SEMA3D: variants seen among roughly 807,000 people sequenced by gnomAD.
SEMA3D encodes semaphorin-3D.
A neutral mutation model predicts 100.1 loss-of-function variants in SEMA3D; 84 were observed. The observed-to-expected ratio is 0.84, with a 90% CI of 0.70 to 1.01. The LOEUF (loss-of-function observed/expected upper bound fraction) is 1.01. SEMA3D is among the 50% of genes least tolerant of loss of function. SEMA3D has a pLI of 0.00. For synonymous variants in SEMA3D, 312 were observed against 320.7 expected (o/e 0.97, Z 0.29); for missense variants, 875 against 934.1 (o/e 0.94, Z 0.82).
At chr7:85,081,331 T>C (rs554765457) in intron 5 of SEMA3D, among the ~76,000 whole-genome samples, 186 bp downstream of exon 5, 2 of 152,342 alleles carry the variant, frequency 1.3e-5, no homozygotes, top group South Asian at 4.1e-4. Context: ...TTAAATTTTA[T>C]AAATAATATC....
At chr7:85,055,604 C>T (rs1791284378) in intron 9 of SEMA3D, 113 bp downstream of exon 9, 1 of 194,768 alleles carries the variant, frequency 5.1e-6, no homozygotes, top group African/African-American at 2.6e-5. Context: ...GAATAATGAG[C>T]ATTAACTTTG....
chr7:85,223,430 C>T, the SEMA3D span, among the ~76,000 whole-genome samples: 1 of 151,532 alleles, frequency 6.6e-6, no homozygotes, highest in African/African-American at 2.4e-5. Flanking sequence ...CTTGTACAGG[C>T]ATGTTTATAC....
chr7:85,075,414 T>C (rs556109605), intron 5 of SEMA3D, among the ~76,000 whole-genome samples: 1 of 147,926 alleles, frequency 6.8e-6, no homozygotes, highest in East Asian at 2.0e-4. Context: ...GATATAATTT[T>C]GGTGATTATT....
At chr7:85,142,077 T>C (rs1790066992) in intron 2 of SEMA3D, 1 of 983,926 alleles carries the variant, frequency 1.0e-6, no homozygotes, top group Admixed American at 6.2e-5. Context: ...CTGTGAACTA[T>C]ACAGAAGTTG....
the SEMA3D span, among the ~76,000 whole-genome samples, chr7:85,201,095 C>A: frequency 6.6e-6 from 1 of 152,182 alleles, no homozygotes; most frequent in African/African-American, 2.4e-5. Flanking sequence ...TTTTGATATA[C>A]CAAAAGACAG....
At chr7:85,046,662 A>G (rs544205079) in intron 9 of SEMA3D, among the ~76,000 whole-genome samples, 1 of 152,064 alleles carries the variant, frequency 6.6e-6, no homozygotes, top group Non-Finnish European at 1.5e-5. Flanking sequence ...GCAAAGTTCA[A>G]TTCACAAGGA....
intron 3 of SEMA3D, among the ~76,000 whole-genome samples, chr7:85,105,525 A>G (rs771801266): frequency 2.6e-5 from 4 of 152,082 alleles, no homozygotes; most frequent in Non-Finnish European, 4.4e-5. Flanking sequence ...CTCTAAAGCT[A>G]ATTGTTCAAA....
At chr7:85,075,097 T>G (rs1357075633) in intron 5 of SEMA3D, among the ~76,000 whole-genome samples, 1 of 152,106 alleles carries the variant, frequency 6.6e-6, no homozygotes, top group Non-Finnish European at 1.5e-5. Context: ...AGATTTTTAT[T>G]CCTTGGTTTT....
chr7:85,126,816 A>C (rs964496709), intron 2 of SEMA3D, among the ~76,000 whole-genome samples: 27 of 152,162 alleles, frequency 1.8e-4, no homozygotes, highest in Admixed American at 4.6e-4. Context: ...ACAGGGGGCT[A>C]TTATTTATTC....
chr7:85,235,522 T>A, the SEMA3D span, among the ~76,000 whole-genome samples: 8 of 152,166 alleles, frequency 5.3e-5, no homozygotes, highest in African/African-American at 1.9e-4. Context: ...GAAGGTAATG[T>A]TTAAAGGAGG....
chr7:85,187,874 T>G (rs2534871), upstream of SEMA3D, among the ~76,000 whole-genome samples: 99,754 of 152,076 alleles, frequency 0.66, 33,316 homozygotes, highest in East Asian at 0.92. Flanking sequence ...TGGTGAGCCC[T>G]GTACGTTAGG....
intron 1 of SEMA3D, among the ~76,000 whole-genome samples, chr7:85,172,406 C>T (rs1275683263): frequency 1.3e-5 from 2 of 151,940 alleles, no homozygotes; most frequent in Non-Finnish European, 2.9e-5. Context: ...TATTCAGTTT[C>T]ACTTCAACTT....
At chr7:85,157,924 CT>C (rs1012982028) in intron 1 of SEMA3D, among the ~76,000 whole-genome samples, 2 of 152,112 alleles carry the variant, frequency 1.3e-5, no homozygotes, top group Non-Finnish European at 2.9e-5. Context: ...TTACGCTTGT[CT>C]TTACTGCAGT....
chr7:85,074,934 C>T (rs1298278082), intron 5 of SEMA3D, among the ~76,000 whole-genome samples: 2 of 151,764 alleles, frequency 1.3e-5, no homozygotes, highest in Admixed American at 6.6e-5. Context: ...CTAATAGTTT[C>T]GAACAAACAA....
chr7:85,089,887 A>G (rs1452152933), intron 4 of SEMA3D, among the ~76,000 whole-genome samples: 1 of 152,050 alleles, frequency 6.6e-6, no homozygotes, highest in Non-Finnish European at 1.5e-5. Context: ...GTGCGAACCT[A>G]TCTCATAAAA....
chr7:85,167,505 T>TA (rs1408879125), intron 1 of SEMA3D: 2 of 373,462 alleles, frequency 5.4e-6, no homozygotes, highest in Non-Finnish European at 7.4e-6. Flanking sequence ...ACTTTGCCCA[T>TA]AAAATTATCT....
At chr7:85,242,417 T>G in the SEMA3D span, among the ~76,000 whole-genome samples, 1 of 152,330 alleles carries the variant, frequency 6.6e-6, no homozygotes, top group East Asian at 1.9e-4. Flanking sequence ...CTGAGATATT[T>G]TTTATTGACC....
intron 8 of SEMA3D, among the ~76,000 whole-genome samples, chr7:85,058,450 G>GT (rs1341366417): frequency 6.6e-6 from 1 of 151,604 alleles, no homozygotes; most frequent in Non-Finnish European, 1.5e-5. Context: ...ATTTAAACAT[G>GT]TTTTCTTTTA....
intron 10 of SEMA3D, chr7:85,041,453 G>T (rs1159385748): frequency 1.3e-5 from 2 of 151,890 alleles, no homozygotes; most frequent in African/African-American, 4.8e-5. Context: ...TTCTTTAAAA[G>T]ATTAAGATGT....
Sources: allele counts gnomAD v4.1 joint callset (sites outside exome capture counted in the v4.1 genomes callset), GRCh38; gene constraint gnomAD v4.1.1; transcripts MANE v1.5; gene names NCBI Gene and HGNC (gene_info 2026-07-23, HGNC 2026-07-21).